The following SPARC variants were observed in gnomAD, a reference collection of about 807,000 sequenced individuals.
SPARC encodes basement-membrane protein 40.
Under a neutral mutation model 37.7 loss-of-function variants are expected in SPARC, and 23 were observed. The observed-to-expected ratio is 0.61, with a 90% CI of 0.44 to 0.87. SPARC has a LOEUF of 0.87. Ranked by LOEUF, SPARC falls within the 40% of genes least tolerant of loss-of-function variation. The pLI is 0.00. For synonymous variants in SPARC, 155 were observed against 150.8 expected (o/e 1.03, Z -0.20); for missense variants, 312 against 389.0 (o/e 0.80, Z 1.66).
At chr5:151,669,246 TTTTAAAG>T (rs1561918040) in intron 6 of SPARC, among the ~76,000 whole-genome samples, 1 of 152,244 alleles carries the variant, frequency 6.6e-6, no homozygotes, top group Non-Finnish European at 1.5e-5. Context: ...CATGCCCTTA[TTTTAAAG>T]CATTCAAAAT....
At chr5:151,671,791 G>A (rs1224597676) in intron 4 of SPARC, 97 bp from the exon 5 acceptor site, 3 of 1,531,228 alleles carry the variant, frequency 2.0e-6, no homozygotes, top group South Asian at 1.2e-5. Flanking sequence ...GTCCTTGACT[G>A]TGGCCCCCAC....
At position 151,664,107 on chromosome 5, in the gene SPARC, C is replaced by A. The variant is rs952275161; in HGVS notation, c.863G>T (p.Gly288Val). The part of the protein sequence containing the change: ...DKYIALDEWA[G>V]CFGIKQKDID... ...CTCACTCTGCTTGATGCCGAAGCAGCCGGCCCACTCATCCAGGGCGATGTA... is the reference window on the plus strand; with the variant it reads ...CTCACTCTGCTTGATGCCGAAGCAGACGGCCCACTCATCCAGGGCGATGTA... Residue 288 changes from glycine to valine, a missense_variant, in exon 9 of 10, where the codon GGC (glycine) becomes GTC (valine). By Grantham distance (109) the Gly-to-Val change is moderately radical. Coordinates refer to ENST00000231061, the MANE Select transcript of SPARC (RefSeq NM_003118.4). The A allele has an allele frequency of 6.2e-7, 1 of 1,614,078 alleles. No homozygotes were observed. Among genetic ancestry groups the A allele is most frequent in the African/African-American group, 1.3e-5 (1 of 74,940 alleles).
chr5:151,666,360 C>T lies in SPARC; in HGVS notation c.734+1G>A. ...GTTCACTCTAGGGTCTGGGGTCTTA[C>T]CCGTCAATGGGGTGCTGGTCCAGCT... is the stretch of plus-strand genomic sequence containing the variant. On this transcript the variant is annotated splice_donor_variant, in intron 8 of 9. Coordinates refer to ENST00000231061, the MANE Select transcript of SPARC (RefSeq NM_003118.4). LOFTEE classifies it high-confidence loss of function. The T allele has an allele frequency of 6.2e-7, 1 of 1,613,496 alleles. No individual in the cohort carries two copies. The highest frequency in any genetic ancestry group is 8.5e-7 in the Non-Finnish European group (1 of 1,179,624).
At chr5:151,671,774 G>A (rs1760754014) in intron 4 of SPARC, 80 bp from the exon 5 acceptor site, 1 of 1,578,772 alleles carries the variant, frequency 6.3e-7, no homozygotes, top group Admixed American at 1.7e-5. Context: ...AGATCTCAGG[G>A]CTGACAGTCC....
chr5:151,671,448 T>G, intron 5 of SPARC, 125 bp downstream of exon 5: 2 of 1,184,088 alleles, frequency 1.7e-6, no homozygotes, highest in South Asian at 3.1e-5. Context: ...GGACTAGGTC[T>G]AGCAAGGGGA....
chr5:151,675,691 T>A (rs527689842), intron 2 of SPARC, among the ~76,000 whole-genome samples: 17 of 152,224 alleles, frequency 1.1e-4, no homozygotes, highest in Admixed American at 9.8e-4. Context: ...CCTTCCCCAA[T>A]TTAGTCAGAT....
intron 3 of SPARC, among the ~76,000 whole-genome samples, chr5:151,674,009 CTTGTTTGT>C (rs145047311): frequency 1.6e-5 from 2 of 124,720 alleles, no homozygotes; most frequent in South Asian, 2.5e-4. Context: ...TGTGTGTGTG[CTTGTTTGT>C]TTGTTTGTTT....
intron 3 of SPARC, among the ~76,000 whole-genome samples, chr5:151,673,797 T>C (rs1760796926): frequency 6.6e-6 from 1 of 152,190 alleles, no homozygotes. Flanking sequence ...GAAAGCAAAC[T>C]GTACTCCCGA....
At chr5:151,677,049 T>C (rs936119476) in intron 1 of SPARC, 1 of 152,208 alleles carries the variant, frequency 6.6e-6, no homozygotes, top group African/African-American at 2.4e-5. Flanking sequence ...TCTGTTCTGG[T>C]AACTGTTAAG....
chr5:151,664,568 A>G (rs1472873489), intron 8 of SPARC, among the ~76,000 whole-genome samples: 1 of 152,216 alleles, frequency 6.6e-6, no homozygotes, highest in Non-Finnish European at 1.5e-5. Flanking sequence ...ATTGGCTGAG[A>G]ACTGGGGACA....
chr5:151,682,265 C>T (rs111562597), intron 1 of SPARC, among the ~76,000 whole-genome samples: 2,696 of 152,226 alleles, frequency 0.018, 30 homozygotes, highest in Middle Eastern at 0.037. Context: ...GGAATCAGCC[C>T]GAGATTCCAT....
intron 9 of SPARC, 69 bp downstream of exon 9, chr5:151,664,018 G>A: frequency 1.3e-6 from 2 of 1,577,204 alleles, no homozygotes; most frequent in Non-Finnish European, 1.7e-6. Context: ...AGAGTGGGGG[G>A]ATGACAACCC....
intron 1 of SPARC, among the ~76,000 whole-genome samples, chr5:151,684,764 G>C (rs1761089375): frequency 6.6e-6 from 1 of 152,100 alleles, no homozygotes. Flanking sequence ...CTACCCCCTA[G>C]AGGTGGCTGC....
At chr5:151,671,169 A>G (rs562037826) in intron 5 of SPARC, among the ~76,000 whole-genome samples, 1 of 152,318 alleles carries the variant, frequency 6.6e-6, no homozygotes, top group Admixed American at 6.5e-5. Context: ...CTCTCTTTGG[A>G]TGTGAGAAAA....
rs1425946487 is a variant in SPARC at position 151,661,204 on chromosome 5, G to C, written c.*2367C>G. ...TGCTAGAATGTTAGAAAGCTCCAGG[G>C]GAGCAAGGATCACGCACGCTGCCTA... On this transcript the variant is annotated 3_prime_UTR_variant, in exon 10 of 10. Coordinates refer to ENST00000231061, the MANE Select transcript of SPARC (RefSeq NM_003118.4). 6.6e-6 allele frequency: 1 copy of C among 152,154 alleles called. No individual in the cohort carries two copies. The highest frequency in any genetic ancestry group is 6.6e-5 in the Admixed American group (1 of 15,264). The allele number at this position is 152,154 out of a possible 1,614,324, so 9.4% of individuals were successfully genotyped here.
At chr5:151,673,265 G>A (rs1388742769) in intron 3 of SPARC, 49 bp from the exon 4 acceptor site, 2 of 1,276,550 alleles carry the variant, frequency 1.6e-6, no homozygotes, top group Non-Finnish European at 2.3e-6. Context: ...TCCCATCCCA[G>A]ACCCATAAGG....
At chr5:151,669,393 T>C (rs965543515) in intron 6 of SPARC, among the ~76,000 whole-genome samples, 1 of 152,218 alleles carries the variant, frequency 6.6e-6, no homozygotes, top group Non-Finnish European at 1.5e-5. Context: ...AATGCAGTTG[T>C]CTCAGATGCT....
chr5:151,681,723 C>T (rs1429562607), intron 1 of SPARC, among the ~76,000 whole-genome samples: 6 of 152,154 alleles, frequency 3.9e-5, no homozygotes. Context: ...GAAACCCCGT[C>T]TCTACTAAAA....
intron 6 of SPARC, among the ~76,000 whole-genome samples, chr5:151,668,675 TTA>T (rs898582235): frequency 1.3e-5 from 2 of 152,008 alleles, no homozygotes; most frequent in Non-Finnish European, 2.9e-5. Context: ...GATAAAAACC[TTA>T]GGAGTTGAAG....
Sources: gnomAD v4.1 joint callset for allele counts (sites outside exome capture counted in the v4.1 genomes callset) on GRCh38, gnomAD v4.1.1 for gene constraint, MANE v1.5 for transcripts, NCBI Gene and HGNC (gene_info 2026-07-23, HGNC 2026-07-21) for gene names.